The following MDN1 variants were observed in gnomAD, a reference collection of about 807,000 sequenced individuals.
MDN1 encodes midasin.
Under a neutral mutation model 669.2 loss-of-function variants are expected in MDN1, and 266 were observed. That is an observed-to-expected ratio of 0.40 (90% CI 0.36 to 0.44). The LOEUF is 0.44. Ranked by LOEUF, MDN1 falls within the 20% of genes least tolerant of loss-of-function variation. MDN1 has a pLI of 1.00. For missense variants in MDN1, 5,940 were observed against 6,754.0 expected, an observed-to-expected ratio of 0.88 and a Z score of 4.22; for synonymous variants, 2,385 against 2,457.1, an observed-to-expected ratio of 0.97 and a Z score of 0.87.
rs1015911643 is a variant in MDN1 at position 89,758,177 on chromosome 6, C to G, written c.2702+78G>C. 7 of 1,153,428 alleles carry G rather than the reference C, an allele frequency of 6.1e-6. No homozygotes were observed. In the African/African-American group the frequency reaches 7.6e-5, roughly 13 times the overall value. The allele number at this position is 1,153,428 out of a possible 1,614,324, so 71.4% of individuals were successfully genotyped here. ...GGGGACTTGCAGTGAGCCAAGATCACGCCACTGCACTCCAACCTGGGCAAC... is the reference window on the plus strand; with the variant it reads ...GGGGACTTGCAGTGAGCCAAGATCAGGCCACTGCACTCCAACCTGGGCAAC... On this transcript the variant is annotated intron_variant, in intron 19 of 101. Coordinates refer to ENST00000369393, the MANE Select transcript of MDN1 (RefSeq NM_014611.3).
chr6:89,710,682 T>A lies in MDN1; in HGVS notation c.7764A>T (p.Thr2588=), dbSNP rs1221808441. 1.9e-6 allele frequency: 3 copies of A among 1,547,060 alleles called. No homozygotes were observed. Among genetic ancestry groups the A allele is most frequent in the Admixed American group, 2.0e-5 (1 of 51,178 alleles). ...NVFKILQPNT[T]DEFVIPLDPR... ...GAGCTAGAAATCAAAAGTGCATACC[T>A]GTTGTATTTGGTTGTAATATTTTGA... Residue 2588 remains threonine, a splice_region_variant and synonymous_variant, in exon 50 of 102, where the codon ACA becomes ACT. Transcript: ENST00000369393.
chr6:89,810,838 A>C (rs921139298), intron 1 of MDN1, among the ~76,000 whole-genome samples: 1 of 152,124 alleles, frequency 6.6e-6, no homozygotes, highest in African/African-American at 2.4e-5. Flanking sequence ...TCTCTACTAA[A>C]AATACAAAAA....
intron 82 of MDN1, among the ~76,000 whole-genome samples, chr6:89,671,440 T>C (rs536908130): frequency 1.4e-4 from 21 of 152,252 alleles, no homozygotes; most frequent in African/African-American, 4.8e-4. Flanking sequence ...TTCAAGTTCA[T>C]GTTGCCTGGG....
intron 26 of MDN1, 32 bp from the exon 27 acceptor site, chr6:89,747,502 C>T (rs1261321977): frequency 7.5e-6 from 12 of 1,600,092 alleles, no homozygotes; most frequent in Non-Finnish European, 1.0e-5. Flanking sequence ...TGAAAAGGGG[C>T]ATCAGCTGCA....
At chr6:89,781,191 T>C (rs1199133490) in intron 10 of MDN1, 2 of 584,686 alleles carry the variant, frequency 3.4e-6, no homozygotes, top group Admixed American at 3.0e-5. Context: ...TAATTATAAA[T>C]CTGAAAAAGG....
rs535792007 is a variant in MDN1, at chr6:89,711,862, T to C, written c.7651+174A>G. ...AAACAAAAGTTTATCTTGTGACACA[T>C]CTACAGGCAGACTTGCTCCTTAACA... is the stretch of plus-strand genomic sequence containing the variant. On this transcript the variant is annotated intron_variant, in intron 49 of 101. Transcript: ENST00000369393. Among the ~76,000 whole-genome samples, 17 of 152,312 alleles carry C rather than the reference T, an allele frequency of 1.1e-4. No individual in the cohort carries two copies. In the South Asian group the frequency reaches 3.1e-3, roughly 28 times the overall value.
chr6:89,676,929 A>G (rs949757481), intron 76 of MDN1, among the ~76,000 whole-genome samples: 1 of 150,686 alleles, frequency 6.6e-6, no homozygotes, highest in Admixed American at 6.6e-5. Context: ...GTGTATGTAT[A>G]TAGAGCAACT....
intron 74 of MDN1, among the ~76,000 whole-genome samples, chr6:89,680,335 T>C (rs930829317): frequency 1.3e-5 from 2 of 152,194 alleles, no homozygotes; most frequent in Admixed American, 6.5e-5. Flanking sequence ...GGAACTAGTA[T>C]AGACAAGGCT....
At chr6:89,682,387 G>A (rs1379160300) in intron 73 of MDN1, among the ~76,000 whole-genome samples, 13 of 152,142 alleles carry the variant, frequency 8.5e-5, no homozygotes, top group Admixed American at 8.5e-4. Context: ...CAGCTCGTTG[G>A]GAGGCCGAGG....
intron 40 of MDN1, among the ~76,000 whole-genome samples, chr6:89,720,715 G>A (rs1238564474): frequency 1.3e-5 from 2 of 152,180 alleles, no homozygotes; most frequent in Admixed American, 6.5e-5. Flanking sequence ...AGCTGATTAT[G>A]TGAATTATAT....
intron 1 of MDN1, among the ~76,000 whole-genome samples, chr6:89,812,227 G>A (rs908053444): frequency 6.6e-6 from 1 of 151,656 alleles, no homozygotes; most frequent in African/African-American, 2.4e-5. Flanking sequence ...CTCGTGATTC[G>A]CCCACCTTGG....
chr6:89,748,053 G>A (rs1030814059), intron 26 of MDN1, among the ~76,000 whole-genome samples: 6 of 151,614 alleles, frequency 4.0e-5, no homozygotes, highest in Admixed American at 2.0e-4. Flanking sequence ...GCAAATGGGC[G>A]CAGTGGCTCA....
At chr6:89,679,244 AG>A (rs1811440575) in intron 74 of MDN1, among the ~76,000 whole-genome samples, 1 of 152,214 alleles carries the variant, frequency 6.6e-6, no homozygotes, top group Admixed American at 6.5e-5. Context: ...AGAAAGGCTC[AG>A]TGAGGTCTAG....
In MDN1 at chr6:89,723,614, G is replaced by A. The variant is rs552295342; in HGVS notation, c.5676C>T (p.Phe1892=). ...RSFLNRFTQV[F]VDPLTVIDME... is the part of the protein sequence containing the mutation. ...TGTCAATTACTGTAAGGGGATCAACGAAGACCTAGAAATCCAAAAATAATA... is the reference window on the plus strand; with the variant it reads ...TGTCAATTACTGTAAGGGGATCAACAAAGACCTAGAAATCCAAAAATAATA... Residue 1892 remains phenylalanine, a synonymous_variant, in exon 39 of 102, where the codon TTC becomes TTT. Coordinates refer to ENST00000369393, the MANE Select transcript of MDN1 (RefSeq NM_014611.3). 74 of 1,541,692 alleles carry A rather than the reference G, an allele frequency of 4.8e-5. 1 individual carries two copies. The highest frequency in any genetic ancestry group is 2.7e-4 in the South Asian group (22 of 81,392).
chr6:89,814,998 C>A, intron 1 of MDN1: 1 of 602,584 alleles, frequency 1.7e-6, no homozygotes, highest in Non-Finnish European at 2.8e-6. Context: ...AAAGTAGCAC[C>A]AAGTGTCTGG....
chr6:89,788,614 C>G (rs1584373205), intron 7 of MDN1, among the ~76,000 whole-genome samples: 1 of 152,234 alleles, frequency 6.6e-6, no homozygotes, highest in South Asian at 2.1e-4. Flanking sequence ...GAGCTAAGGG[C>G]TTTGAACTTT....
At chr6:89,687,928 C>G in intron 67 of MDN1, 150 bp downstream of exon 67, 1 of 733,880 alleles carries the variant, frequency 1.4e-6, no homozygotes, top group Non-Finnish European at 2.4e-6. Context: ...GCCTCACTTG[C>G]AATGATCTCA....
At chr6:89,660,843 G>C (rs1015986057) in intron 88 of MDN1, among the ~76,000 whole-genome samples, 3 of 152,158 alleles carry the variant, frequency 2.0e-5, no homozygotes, top group Non-Finnish European at 2.9e-5. Flanking sequence ...TTAAGCAGCA[G>C]CAGGAATGGG....
rs759545131 is a variant in MDN1, at chr6:89,761,722, C to T, written c.2383G>A (p.Ala795Thr). The T allele has an allele frequency of 8.7e-6, 14 of 1,609,920 alleles. No individual in the cohort carries two copies. Among genetic ancestry groups the T allele is most frequent in the African/African-American group, 6.7e-5 (5 of 74,960 alleles). The part of the protein sequence containing the change: ...TGLLIKEKWE[A>T]FGLRLNHAQQ... ...GCATGGTTGAGTCTAAGACCAAATG[C>T]TTCCCATTTCTCTTTTATGAGTAAC... Residue 795 changes from alanine to threonine, a missense_variant, in exon 17 of 102, where the codon GCA (alanine) becomes ACA (threonine). By Grantham distance (58) the Ala-to-Thr change is moderately conservative (BLOSUM62 0). Coordinates refer to ENST00000369393, the MANE Select transcript of MDN1 (RefSeq NM_014611.3).
Sources: gnomAD v4.1 joint callset for allele counts (sites outside exome capture counted in the v4.1 genomes callset) on GRCh38, gnomAD v4.1.1 for gene constraint, MANE v1.5 for transcripts, NCBI Gene and HGNC (gene_info 2026-07-23, HGNC 2026-07-21) for gene names.